Variants in ELF2 observed in about 807,000 individuals in gnomAD.
ELF2 encodes ETS-related transcription factor Elf-2.
A neutral mutation model predicts 54.8 loss-of-function variants in ELF2; 11 were observed. The observed-to-expected ratio is 0.20, with a 90% CI of 0.13 to 0.33. ELF2 has a LOEUF of 0.33. ELF2 is among the 10% of genes least tolerant of loss of function. ELF2 has a pLI of 1.00. For missense variants in ELF2, 513 were observed against 703.0 expected (o/e 0.73, Z 3.06); for synonymous variants, 203 against 245.1 (o/e 0.83, Z 1.61).
intron 4 of ELF2, chr4:139,084,297 ACACACACT>A: frequency 6.3e-7 from 1 of 1,598,188 alleles, no homozygotes; most frequent in East Asian, 2.2e-5. Flanking sequence ...CGTGCGACCG[ACACACACT>A]CACGCACTCG....
At chr4:139,075,462 G>A (rs886412069) in intron 4 of ELF2, among the ~76,000 whole-genome samples, 5 of 152,086 alleles carry the variant, frequency 3.3e-5, no homozygotes, top group African/African-American at 1.2e-4. Context: ...ACGGAGTCTC[G>A]CTCTGTTGCC....
intron 1 of ELF2, among the ~76,000 whole-genome samples, chr4:139,170,686 T>G (rs1008350653): frequency 6.8e-6 from 1 of 147,942 alleles, no homozygotes; most frequent in Non-Finnish European, 1.5e-5. Flanking sequence ...TATAACTCAA[T>G]AAGTCAAACA....
At chr4:139,142,383 G>C (rs1244806522) in intron 1 of ELF2, among the ~76,000 whole-genome samples, 1 of 150,210 alleles carries the variant, frequency 6.7e-6, no homozygotes, top group Non-Finnish European at 1.5e-5. Context: ...TACAGCTGAA[G>C]TGAAGTGAGC....
intron 4 of ELF2, among the ~76,000 whole-genome samples, chr4:139,083,133 C>T (rs1010552140): frequency 6.6e-6 from 1 of 151,998 alleles, no homozygotes; most frequent in Non-Finnish European, 1.5e-5. Context: ...GCCTGTCAAT[C>T]CCGTCCGTTC....
At position 139,163,121 on chromosome 4, in the gene ELF2, C is replaced by T. The variant is rs1284130308; in HGVS notation, c.-252+13846G>A. 3.9e-5 allele frequency among the ~76,000 whole-genome samples: 6 copies of T among 152,152 alleles called. 1 individual carries two copies. In the East Asian group the frequency reaches 1.2e-3, roughly 29 times the overall value. ...AAAAAATAAAAAAATATATAAAATA[C>T]TGATATATGATAGTTCAAAATTTCT... On this transcript the variant is annotated intron_variant, in intron 1 of 9. Transcript: ENST00000686138.
rs1191549877 is a variant in ELF2 at position 139,059,078 on chromosome 4, T to C, written c.1687A>G (p.Lys563Glu). The change falls in exon 10 of 10, where the codon AAG becomes GAG. Residue 563 changes from lysine to glutamate, a missense_variant. By Grantham distance (56) the Lys-to-Glu change is moderately conservative. This residue lies in a region of ELF2 where 291 missense variants were observed against 366.1 expected (regional missense o/e 0.79). Coordinates refer to ENST00000686138, the MANE Select transcript of ELF2 (RefSeq NM_001331036.3). ...LVEEKPADGN[K>E]TVTHVVVVSA... is the part of the protein sequence containing the mutation. ...ACAACCACTACGTGGGTCACTGTCTTATTTCCATCTGCTGGTTTTTCTTCT... is the reference window on the plus strand; with the variant it reads ...ACAACCACTACGTGGGTCACTGTCTCATTTCCATCTGCTGGTTTTTCTTCT... The C allele has an allele frequency of 6.8e-6, 11 of 1,613,986 alleles. No homozygotes were observed. Among genetic ancestry groups the C allele is most frequent in the Non-Finnish European group, 9.3e-6 (11 of 1,179,854 alleles).
Position 139,141,734 on chromosome 4 carries a change from C to T in ELF2, c.-251-2237G>A, listed in dbSNP as rs768995021. ...GTTGCCAGTTGGTGAAGTCTTAGGA[C>T]AGTGCTGCTCTCTGGTCAACCCTTA... On this transcript the variant is annotated intron_variant, in intron 1 of 9. Coordinates refer to ENST00000686138, the MANE Select transcript of ELF2 (RefSeq NM_001331036.3). 2.6e-5 allele frequency among the ~76,000 whole-genome samples: 4 copies of T among 152,164 alleles called. No individual in the cohort carries two copies. The South Asian group carries it at 8.3e-4, about 32-fold the overall frequency.
intron 4 of ELF2, among the ~76,000 whole-genome samples, chr4:139,087,829 G>A (rs982567433): frequency 4.6e-5 from 7 of 152,126 alleles, no homozygotes; most frequent in Non-Finnish European, 8.8e-5. Context: ...AATAGTTAAT[G>A]ATCTCTATAG....
intron 4 of ELF2, among the ~76,000 whole-genome samples, chr4:139,085,327 CTT>C (rs1731860688): frequency 1.3e-5 from 2 of 152,164 alleles, no homozygotes; most frequent in African/African-American, 4.8e-5. Flanking sequence ...GCACACAAAA[CTT>C]ACATAAAGGA....
chr4:139,131,669 C>T (rs1737500422), intron 3 of ELF2, among the ~76,000 whole-genome samples: 1 of 152,194 alleles, frequency 6.6e-6, no homozygotes, highest in African/African-American at 2.4e-5. Flanking sequence ...GAGGACTCAT[C>T]TCCCCTACCT....
intron 4 of ELF2, among the ~76,000 whole-genome samples, chr4:139,088,748 C>CT (rs370525631): frequency 2.3e-4 from 34 of 147,412 alleles, no homozygotes; most frequent in East Asian, 5.9e-4. Flanking sequence ...CCACCTAGGA[C>CT]TTTTTTTTTT....
intron 1 of ELF2, among the ~76,000 whole-genome samples, chr4:139,161,865 C>T (rs1436098641): frequency 1.3e-5 from 2 of 151,566 alleles, no homozygotes; most frequent in Non-Finnish European, 2.9e-5. Flanking sequence ...GAGGCCAAGA[C>T]GGGTGGATCA....
chr4:139,110,080 C>G (rs1021374828), intron 4 of ELF2, among the ~76,000 whole-genome samples: 3 of 152,180 alleles, frequency 2.0e-5, no homozygotes, highest in Non-Finnish European at 4.4e-5. Flanking sequence ...ATGTAAGCAT[C>G]TTCTAAGTAC....
intron 4 of ELF2, among the ~76,000 whole-genome samples, chr4:139,096,077 C>T (rs1172148135): frequency 1.3e-5 from 2 of 152,126 alleles, no homozygotes; most frequent in African/African-American, 2.4e-5. Context: ...CGCCACTGCA[C>T]TCCAGCCTGG....
intron 1 of ELF2, among the ~76,000 whole-genome samples, chr4:139,148,952 T>C (rs766721224): frequency 1.3e-5 from 2 of 152,212 alleles, no homozygotes; most frequent in African/African-American, 2.4e-5. Flanking sequence ...GTAGATGCGG[T>C]ACAAATGTCT....
At chr4:139,080,834 A>T (rs911108003) in intron 4 of ELF2, among the ~76,000 whole-genome samples, 9 of 152,062 alleles carry the variant, frequency 5.9e-5, no homozygotes, top group South Asian at 2.1e-4. Flanking sequence ...AAAGAGCCTC[A>T]AGTTCCAATT....
At chr4:139,095,701 T>A (rs1034705283) in intron 4 of ELF2, among the ~76,000 whole-genome samples, 9 of 152,216 alleles carry the variant, frequency 5.9e-5, no homozygotes, top group African/African-American at 2.2e-4. Flanking sequence ...TCATTATGTA[T>A]TTTTAAATCA....
intron 3 of ELF2, chr4:139,136,982 C>T (rs1048345090): frequency 2.0e-5 from 3 of 152,120 alleles, no homozygotes; most frequent in Non-Finnish European, 2.9e-5. Context: ...TCACTCTTTA[C>T]TGAATGCTAA....
At chr4:139,112,242 T>C (rs1578826910) in intron 4 of ELF2, among the ~76,000 whole-genome samples, 1 of 152,248 alleles carries the variant, frequency 6.6e-6, no homozygotes, top group Non-Finnish European at 1.5e-5. Flanking sequence ...AACCTTGCTA[T>C]TCTCTGCCTG....
Sources: allele counts gnomAD v4.1 joint callset (sites outside exome capture counted in the v4.1 genomes callset), GRCh38; gene constraint gnomAD v4.1.1; regional missense constraint gnomAD v4.1.1; transcripts MANE v1.5; gene names NCBI Gene and HGNC (gene_info 2026-07-23, HGNC 2026-07-21).